The following FAM107B variants were observed in gnomAD, a reference collection of about 807,000 sequenced individuals.
FAM107B encodes the protein protein FAM107B.
A neutral mutation model predicts 31.5 loss-of-function variants in FAM107B; 21 were observed. The observed-to-expected ratio is 0.67, with a 90% CI of 0.47 to 0.96. FAM107B has a LOEUF of 0.96. Ranked by LOEUF, FAM107B falls within the 40% of genes least tolerant of loss-of-function variation. The probability of loss-of-function intolerance (pLI) is 0.00; values close to 1 mark genes in which losing one functional copy is unlikely to be tolerated. For missense variants in FAM107B, 452 were observed against 377.1 expected, an observed-to-expected ratio of 1.20 and a Z score of -1.64; for synonymous variants, 157 against 141.5, an observed-to-expected ratio of 1.11 and a Z score of -0.78.
chr10:14,716,726 C>G (rs908871707), intron 1 of FAM107B, among the ~76,000 whole-genome samples: 1 of 152,154 alleles, frequency 6.6e-6, no homozygotes, highest in African/African-American at 2.4e-5. Context: ...CATTTAATCT[C>G]TCGGTTTCCA....
At chr10:14,744,851 T>C (rs1832693081) in intron 1 of FAM107B, among the ~76,000 whole-genome samples, 1 of 152,206 alleles carries the variant, frequency 6.6e-6, no homozygotes, top group Non-Finnish European at 1.5e-5. Flanking sequence ...AGCTCCTCTT[T>C]GTACCTCTGG....
intron 1 of FAM107B, among the ~76,000 whole-genome samples, chr10:14,740,703 G>A (rs1156838234): frequency 2.0e-5 from 3 of 152,022 alleles, no homozygotes; most frequent in Admixed American, 6.6e-5. Context: ...CACAGGGAGG[G>A]GACAGTAAGA....
At chr10:14,577,406 A>G (rs1400618057) in intron 2 of FAM107B, among the ~76,000 whole-genome samples, 2 of 152,364 alleles carry the variant, frequency 1.3e-5, no homozygotes, top group East Asian at 3.9e-4. Context: ...TCTTCCGTTC[A>G]CGGAAAGAAA....
At chr10:14,547,840 G>A (rs971228785) in intron 2 of FAM107B, among the ~76,000 whole-genome samples, 2 of 152,168 alleles carry the variant, frequency 1.3e-5, no homozygotes, top group Non-Finnish European at 2.9e-5. Flanking sequence ...ATTTAAGTTG[G>A]CTCTTATTTG....
intron 2 of FAM107B, among the ~76,000 whole-genome samples, chr10:14,573,985 GAC>G (rs769161168): frequency 1.5e-4 from 23 of 150,686 alleles, no homozygotes; most frequent in Non-Finnish European, 1.2e-4. Context: ...CCCTTCCCAT[GAC>G]ACAGGGAATA....
At chr10:14,735,500 T>G (rs551743774) in intron 1 of FAM107B, among the ~76,000 whole-genome samples, 2 of 152,294 alleles carry the variant, frequency 1.3e-5, no homozygotes, top group East Asian at 3.9e-4. Context: ...GTCTGCCCAG[T>G]AGAGGAGACG....
intron 2 of FAM107B, among the ~76,000 whole-genome samples, chr10:14,579,597 T>C (rs1034808961): frequency 2.0e-5 from 3 of 152,234 alleles, no homozygotes; most frequent in African/African-American, 4.8e-5. Context: ...AAATTTCTGT[T>C]AGTTGCATTA....
At chr10:14,526,799 G>A (rs1242475813) in intron 3 of FAM107B, among the ~76,000 whole-genome samples, 2 of 151,924 alleles carry the variant, frequency 1.3e-5, no homozygotes, top group Non-Finnish European at 2.9e-5. Context: ...AATCTTTGTA[G>A]AGCACAGAAT....
intron 1 of FAM107B, among the ~76,000 whole-genome samples, chr10:14,677,439 C>G (rs1483092514): frequency 3.3e-5 from 5 of 152,028 alleles, no homozygotes; most frequent in Non-Finnish European, 7.4e-5. Context: ...GGCTAACACA[C>G]TGAAACCCCG....
intron 1 of FAM107B, among the ~76,000 whole-genome samples, chr10:14,764,125 T>C (rs1833114107): frequency 1.3e-5 from 2 of 152,258 alleles, no homozygotes; most frequent in Admixed American, 1.3e-4. Context: ...CTCTAGGTGT[T>C]CATATAAACA....
At chr10:14,687,838 C>A (rs946993321) in intron 1 of FAM107B, among the ~76,000 whole-genome samples, 2 of 152,204 alleles carry the variant, frequency 1.3e-5, no homozygotes, top group African/African-American at 4.8e-5. Flanking sequence ...TGCACAACCA[C>A]ACACACATAC....
intron 2 of FAM107B, among the ~76,000 whole-genome samples, chr10:14,658,545 C>A (rs1479867796): frequency 6.6e-6 from 1 of 152,202 alleles, no homozygotes; most frequent in African/African-American, 2.4e-5. Flanking sequence ...TTCATGCATG[C>A]ATACTTTAGT....
chr10:14,558,487 T>C (rs778668934), intron 2 of FAM107B, among the ~76,000 whole-genome samples: 21 of 152,362 alleles, frequency 1.4e-4, no homozygotes, highest in Admixed American at 8.5e-4. Context: ...GTTTGAATTA[T>C]TATACAGCCA....
intron 1 of FAM107B, among the ~76,000 whole-genome samples, chr10:14,717,549 AG>A (rs1855807459): frequency 6.6e-6 from 1 of 152,224 alleles, no homozygotes; most frequent in Admixed American, 6.5e-5. Context: ...CTGATGTCCA[AG>A]GGCAAGAGGA....
intron 2 of FAM107B, among the ~76,000 whole-genome samples, chr10:14,586,694 G>A (rs1388906959): frequency 6.6e-6 from 1 of 152,142 alleles, no homozygotes; most frequent in Non-Finnish European, 1.5e-5. Context: ...CCAGAACTGT[G>A]AGAAATAAAT....
chr10:14,674,914 T>G (rs190889407), intron 1 of FAM107B, among the ~76,000 whole-genome samples: 76 of 152,234 alleles, frequency 5.0e-4, no homozygotes, highest in African/African-American at 1.7e-3. Flanking sequence ...TTCATAATTT[T>G]TTTTTGTAGA....
At chr10:14,761,621 C>T (rs1409272948) in intron 1 of FAM107B, among the ~76,000 whole-genome samples, 3 of 151,412 alleles carry the variant, frequency 2.0e-5, no homozygotes, top group South Asian at 4.2e-4. Flanking sequence ...TTTCTTTTTG[C>T]GACAGTCTCG....
chr10:14,728,674 T>TG (rs973473126), intron 1 of FAM107B, among the ~76,000 whole-genome samples: 5 of 152,168 alleles, frequency 3.3e-5, no homozygotes, highest in African/African-American at 1.2e-4. Flanking sequence ...CAGTCAGCTG[T>TG]GGGGGGACAC....
intron 2 of FAM107B, chr10:14,548,619 G>A (rs1588550272): frequency 1.0e-6 from 1 of 985,482 alleles, no homozygotes; most frequent in Non-Finnish European, 1.2e-6. Context: ...AGCCCCTGAG[G>A]AGGGCTCTCT....
Sources: gnomAD v4.1 joint callset for allele counts (sites outside exome capture counted in the v4.1 genomes callset) on GRCh38, gnomAD v4.1.1 for gene constraint, MANE v1.5 for transcripts, NCBI Gene and HGNC (gene_info 2026-07-23, HGNC 2026-07-21) for gene names.